The following TCF20 variants were observed in gnomAD, a reference collection of about 807,000 sequenced individuals.
The protein encoded by TCF20 is transcription factor 20, also known as SPRE-binding protein.
TCF20 carries 3 observed loss-of-function variants against 148.6 expected under a neutral mutation model. That is an observed-to-expected ratio of 0.02 (90% CI 0.01 to 0.05). TCF20 has a LOEUF of 0.05. TCF20 is among the 10% of genes least tolerant of loss of function. TCF20 has a pLI of 1.00. For missense variants in TCF20, 2,350 were observed against 2,429.3 expected (o/e 0.97, Z 0.69); for synonymous variants, 1,049 against 909.5 (o/e 1.15, Z -2.76).
At chr22:42,169,054 C>G (rs139273041) in intron 4 of TCF20, among the ~76,000 whole-genome samples, 2 of 151,824 alleles carry the variant, frequency 1.3e-5, no homozygotes, top group East Asian at 3.9e-4. Context: ...ATTTTGAGGG[C>G]AGACCTCTCT....
At chr22:42,280,730 C>T (rs140621629) in intron 1 of TCF20, among the ~76,000 whole-genome samples, 21 of 152,348 alleles carry the variant, frequency 1.4e-4, no homozygotes, top group South Asian at 1.2e-3. Flanking sequence ...AGACCCCAGA[C>T]ACTAGGTGCT....
At chr22:42,244,525 G>C (rs1020868663) in intron 1 of TCF20, among the ~76,000 whole-genome samples, 2 of 152,156 alleles carry the variant, frequency 1.3e-5, no homozygotes, top group African/African-American at 4.8e-5. Flanking sequence ...CTAAGTGAAA[G>C]AAGTCAGACA....
intron 1 of TCF20, among the ~76,000 whole-genome samples, chr22:42,249,774 TCA>T (rs1491327569): frequency 1.3e-5 from 2 of 152,252 alleles, no homozygotes; most frequent in African/African-American, 2.4e-5. Context: ...TTCTGCTCCT[TCA>T]CACATAGTGC....
rs1035606522 is a variant in TCF20, at chr22:42,219,399, C to G, written c.-36-4058G>C. On this transcript the variant is annotated intron_variant, in intron 1 of 5. Coordinates refer to ENST00000677622, the MANE Select transcript of TCF20 (RefSeq NM_001378418.1). Reference sequence around the variant, plus strand: ...AAAAAAAAGCTAATAGAGATAATTCCAATTTTATCCCATCATCTTAAAAAA... The same window carrying G: ...AAAAAAAAGCTAATAGAGATAATTCGAATTTTATCCCATCATCTTAAAAAA... Among the ~76,000 whole-genome samples the G allele has an allele frequency of 2.1e-4, 20 of 95,896 alleles. No homozygotes were observed. The Admixed American group carries it at 2.2e-3, about 10-fold the overall frequency. The allele number at this position is 95,896 out of a possible 152,430, so 62.9% of individuals were successfully genotyped here. A position where few individuals can be genotyped will look rare whatever the true frequency, so the allele number is the denominator to read the frequency against.
At chr22:42,190,154 T>C (rs901452478) in intron 2 of TCF20, among the ~76,000 whole-genome samples, 1 of 152,130 alleles carries the variant, frequency 6.6e-6, no homozygotes, top group African/African-American at 2.4e-5. Flanking sequence ...AAGACACTGA[T>C]CAGGGCAAAA....
chr22:42,189,270 T>C (rs953042019), intron 2 of TCF20, among the ~76,000 whole-genome samples: 12 of 152,206 alleles, frequency 7.9e-5, no homozygotes, highest in African/African-American at 2.9e-4. Flanking sequence ...GTGAGATGTG[T>C]TGCAGTGAGC....
intron 1 of TCF20, among the ~76,000 whole-genome samples, chr22:42,313,116 G>A (rs1927565553): frequency 6.6e-6 from 1 of 152,194 alleles, no homozygotes; most frequent in Non-Finnish European, 1.5e-5. Flanking sequence ...CCCCACCTGG[G>A]AGTGCAGGTG....
upstream of TCF20, among the ~76,000 whole-genome samples, chr22:42,270,884 G>T: frequency 6.6e-6 from 1 of 151,456 alleles, no homozygotes; most frequent in East Asian, 2.0e-4. Flanking sequence ...CTCCTCTGCG[G>T]CCGCTGGGCG....
In TCF20 at chr22:42,211,028, T is replaced by C; in HGVS notation, c.4278A>G (p.Val1426=). 6.2e-7 allele frequency: 1 copy of C among 1,614,192 alleles called. No homozygotes were observed. The highest frequency in any genetic ancestry group is 8.5e-7 in the Non-Finnish European group (1 of 1,180,036). The change falls in exon 2 of 6, where the codon GTA becomes GTG. Residue 1426 remains valine (V), a synonymous_variant. Transcript: ENST00000677622. ...LVSPANQELH[V]EKPLPRSSEE... is the part of the protein sequence containing the mutation. Reference sequence around the variant, plus strand: ...CTGAAGACCTTGGAAGAGGTTTCTCTACGTGCAACTCCTGGTTTGCTGGAC... The same window carrying C: ...CTGAAGACCTTGGAAGAGGTTTCTCCACGTGCAACTCCTGGTTTGCTGGAC...
intron 2 of TCF20, among the ~76,000 whole-genome samples, chr22:42,205,622 T>A (rs1938332723): frequency 6.6e-6 from 1 of 152,218 alleles, no homozygotes; most frequent in Admixed American, 6.5e-5. Flanking sequence ...AAACATCATC[T>A]GTCAAATTAA....
At chr22:42,239,274 C>T (rs1028625547) in intron 1 of TCF20, among the ~76,000 whole-genome samples, 25 of 151,104 alleles carry the variant, frequency 1.7e-4, no homozygotes, top group Non-Finnish European at 1.3e-4. Flanking sequence ...AACAGGAGTT[C>T]GAGACCAGCC....
chr22:42,330,600 G>GT (rs1927956471), intron 1 of TCF20, among the ~76,000 whole-genome samples: 1 of 152,210 alleles, frequency 6.6e-6, no homozygotes, highest in Non-Finnish European at 1.5e-5. Context: ...ACTGCTGTGT[G>GT]TTCTTACTAT....
Position 42,197,695 on chromosome 22 carries a change from T to C in TCF20, c.5655+11956A>G, listed in dbSNP as rs1394398190. 2.0e-5 allele frequency among the ~76,000 whole-genome samples: 3 copies of C among 152,180 alleles called. No individual in the cohort carries two copies. In the East Asian group the frequency reaches 5.8e-4, roughly 29 times the overall value. ...CCCCTGAAGAAAGGAGTTCCATACA[T>C]CTCAATTTTCCAGAGAAGTGATTCA... is the stretch of plus-strand genomic sequence containing the variant. On this transcript the variant is annotated intron_variant, in intron 2 of 5. Coordinates refer to ENST00000677622, the MANE Select transcript of TCF20 (RefSeq NM_001378418.1).
At chr22:42,282,685 A>G (rs908079599) in intron 1 of TCF20, among the ~76,000 whole-genome samples, 8 of 152,160 alleles carry the variant, frequency 5.3e-5, no homozygotes, top group African/African-American at 1.9e-4. Flanking sequence ...GGCTGGGGGC[A>G]GAGACCTGGG....
intron 1 of TCF20, among the ~76,000 whole-genome samples, chr22:42,303,348 G>A (rs926612818): frequency 2.6e-5 from 4 of 152,238 alleles, no homozygotes; most frequent in South Asian, 2.1e-4. Context: ...AGAGGAGACC[G>A]AGGCTCAGAG....
At chr22:42,343,261 A>G (rs1246764810) in intron 1 of TCF20, among the ~76,000 whole-genome samples, 1 of 152,004 alleles carries the variant, frequency 6.6e-6, no homozygotes, top group African/African-American at 2.4e-5. Flanking sequence ...GGGGACAAAC[A>G]CCCCCTACTT....
At chr22:42,166,368 G>A (rs1213639871) in intron 5 of TCF20, among the ~76,000 whole-genome samples, 1 of 152,250 alleles carries the variant, frequency 6.6e-6, no homozygotes, top group Non-Finnish European at 1.5e-5. Context: ...GGCACTTTGA[G>A]AGGTCAAGGC....
chr22:42,323,942 T>TGATGGAGGTTATGGTGGTCGC (rs1927798436), intron 1 of TCF20, among the ~76,000 whole-genome samples: 1 of 112,310 alleles, frequency 8.9e-6, no homozygotes, highest in East Asian at 2.5e-4. Flanking sequence ...GTGGTGGTGG[T>TGATGGAGGTTATGGTGGTCGC]GATGGAGGTT....
intron 1 of TCF20, among the ~76,000 whole-genome samples, chr22:42,267,565 G>A (rs1261028556): frequency 6.6e-6 from 1 of 152,100 alleles, no homozygotes; most frequent in Non-Finnish European, 1.5e-5. Flanking sequence ...GCTGGGCGTG[G>A]TGGTGCGCAC....
Sources: allele counts gnomAD v4.1 joint callset (sites outside exome capture counted in the v4.1 genomes callset), GRCh38; gene constraint gnomAD v4.1.1; transcripts MANE v1.5; gene names NCBI Gene and HGNC (gene_info 2026-07-23, HGNC 2026-07-21).